DIAPH2: variants seen among roughly 807,000 people sequenced by gnomAD.
The protein encoded by DIAPH2 is diaphanous related formin 2, also known as protein diaphanous homolog 2.
A neutral mutation model predicts 92.7 loss-of-function variants in DIAPH2; 35 were observed. That is an observed-to-expected ratio of 0.38 (90% CI 0.29 to 0.50). The LOEUF is 0.50. DIAPH2 is among the 20% of genes least tolerant of loss of function. DIAPH2 has a pLI of 0.94. For missense variants in DIAPH2, 701 were observed against 819.5 expected, an observed-to-expected ratio of 0.86 and a Z score of 1.77; for synonymous variants, 301 against 280.4, an observed-to-expected ratio of 1.07 and a Z score of -0.73.
intron 24 of DIAPH2, among the ~76,000 whole-genome samples, chrX:97,370,257 C>T (rs1274571487): frequency 9.0e-6 from 1 of 111,500 alleles, no homozygotes; most frequent in African/African-American, 3.3e-5. Flanking sequence ...ACCCAAAGGA[C>T]AGATAAATTT....
chrX:96,742,939 C>T (rs932783959), intron 3 of DIAPH2, among the ~76,000 whole-genome samples: 6 of 112,460 alleles, frequency 5.3e-5, no homozygotes, highest in Admixed American at 2.8e-4. Context: ...GTTGGGATTA[C>T]AGGCATGAGC....
intron 22 of DIAPH2, among the ~76,000 whole-genome samples, chrX:97,142,827 G>A (rs994454554): frequency 1.8e-5 from 2 of 111,257 alleles, no homozygotes; most frequent in African/African-American, 6.5e-5. Flanking sequence ...AGGACTTTTG[G>A]TAAGGACTTC....
At chrX:97,559,757 A>G (rs760102632) in intron 26 of DIAPH2, among the ~76,000 whole-genome samples, 2 of 112,144 alleles carry the variant, frequency 1.8e-5, no homozygotes, top group Admixed American at 9.4e-5. Flanking sequence ...ATGAAGATTC[A>G]AAGTCAAAAG....
At chrX:96,822,816 A>G (rs2064787518) in intron 4 of DIAPH2, among the ~76,000 whole-genome samples, 1 of 112,707 alleles carries the variant, frequency 8.9e-6, no homozygotes, top group African/African-American at 3.2e-5. Context: ...TTTTATAACA[A>G]TTTTAGACAA....
At chrX:97,506,021 A>G (rs1233951942) in intron 26 of DIAPH2, among the ~76,000 whole-genome samples, 1 of 109,466 alleles carries the variant, frequency 9.1e-6, no homozygotes, top group Non-Finnish European at 1.9e-5. Context: ...TTTCCACCTC[A>G]TAGCTTTAAC....
At chrX:97,467,691 A>C (rs2070525382) in intron 26 of DIAPH2, among the ~76,000 whole-genome samples, 1 of 112,101 alleles carries the variant, frequency 8.9e-6, no homozygotes, top group African/African-American at 3.2e-5. Context: ...TAAGCAGATA[A>C]TTTGCATATA....
chrX:97,048,023 A>G (rs935111899), intron 17 of DIAPH2, among the ~76,000 whole-genome samples: 7 of 110,992 alleles, frequency 6.3e-5, no homozygotes, highest in African/African-American at 2.0e-4. Context: ...AAAACAGCAT[A>G]ATATAGTACA....
chrX:97,517,780 T>A (rs2070960704), intron 26 of DIAPH2, among the ~76,000 whole-genome samples: 1 of 112,066 alleles, frequency 8.9e-6, no homozygotes, highest in Admixed American at 9.5e-5. Context: ...CTGCTTTTTT[T>A]AAAGGAAACC....
At chrX:97,454,628 G>C (rs1333645594) in intron 26 of DIAPH2, among the ~76,000 whole-genome samples, 1 of 111,038 alleles carries the variant, frequency 9.0e-6, no homozygotes, top group Admixed American at 9.6e-5. Context: ...GGCCTAAGCA[G>C]GCGGATCACG....
At chrX:96,764,793 A>G (rs1050143305) in intron 4 of DIAPH2, among the ~76,000 whole-genome samples, 6 of 111,648 alleles carry the variant, frequency 5.4e-5, no homozygotes, top group Non-Finnish European at 1.1e-4. Flanking sequence ...GAAGCTACCT[A>G]GGAGATTTTT....
intron 22 of DIAPH2, among the ~76,000 whole-genome samples, chrX:97,173,947 G>A (rs1042158985): frequency 3.8e-5 from 4 of 106,127 alleles, no homozygotes; most frequent in African/African-American, 1.4e-4. Context: ...AAATAGAATA[G>A]TATCTAATGG....
At chrX:96,863,105 C>A (rs189704973) in intron 4 of DIAPH2, among the ~76,000 whole-genome samples, 42 of 110,348 alleles carry the variant, frequency 3.8e-4, no homozygotes, top group African/African-American at 1.4e-3. Flanking sequence ...GGGTCTTTAA[C>A]AAGTAGGAGG....
chrX:97,569,947 T>C (rs1177330518), intron 26 of DIAPH2, among the ~76,000 whole-genome samples: 2 of 103,933 alleles, frequency 1.9e-5, no homozygotes, highest in Non-Finnish European at 3.9e-5. Flanking sequence ...CTCTGGAACT[T>C]AGTGTCATCG....
chrX:96,848,825 G>C (rs2064989544), intron 4 of DIAPH2, among the ~76,000 whole-genome samples: 1 of 111,924 alleles, frequency 8.9e-6, no homozygotes, highest in Non-Finnish European at 1.9e-5. Flanking sequence ...TCTTTATTCT[G>C]CCTTTTTGAA....
Position 97,355,830 on chromosome X carries a change from C to T in DIAPH2, c.3009+7550C>T, listed in dbSNP as rs144229153. On this transcript the variant is annotated intron_variant, in intron 24 of 26. Coordinates refer to ENST00000324765, the MANE Select transcript of DIAPH2 (RefSeq NM_006729.5). The stretch of plus-strand genomic sequence containing the variant: ...GGAGTCATTTCATGGGTGCTGAAAA[C>T]GTCATCTGTAGTCACCAGTTGAAAT... 6.0e-3 allele frequency among the ~76,000 whole-genome samples: 666 copies of T among 111,459 alleles called. 3 individuals are homozygous for T. The highest frequency in any genetic ancestry group is 0.02 in the African/African-American group (623 of 30,697).
intron 19 of DIAPH2, among the ~76,000 whole-genome samples, chrX:97,088,182 A>T (rs145217624): frequency 8.9e-6 from 1 of 112,045 alleles, no homozygotes; most frequent in Non-Finnish European, 1.9e-5. Flanking sequence ...GATTTTGAAT[A>T]ATCTGTGCAT....
At chrX:96,887,117 A>G (rs955602020) in intron 5 of DIAPH2, among the ~76,000 whole-genome samples, 1 of 111,249 alleles carries the variant, frequency 9.0e-6, no homozygotes, top group Admixed American at 9.6e-5. Context: ...CGTGTGCTTT[A>G]GTGGATTCTG....
Position 97,137,261 on chromosome X carries a change from G to A in DIAPH2, c.2590-4404G>A, listed in dbSNP as rs779309792. Among the ~76,000 whole-genome samples, 224 of 48,847 alleles carry A rather than the reference G, an allele frequency of 4.6e-3. 1 individual carries two copies. The highest frequency in any genetic ancestry group is 0.02 in the African/African-American group (196 of 9,586). The allele number at this position is 48,847 out of a possible 115,157, so 42.4% of individuals were successfully genotyped here. On this transcript the variant is annotated intron_variant, in intron 21 of 26. Coordinates refer to ENST00000324765, the MANE Select transcript of DIAPH2 (RefSeq NM_006729.5). The stretch of plus-strand genomic sequence containing the variant: ...GTGTGTGGTGGGGTCATATATAAAC[G>A]CAGTTATACATATATATATATATAT...
chrX:96,694,471 C>T (rs182805990), intron 1 of DIAPH2, among the ~76,000 whole-genome samples: 171 of 109,770 alleles, frequency 1.6e-3, no homozygotes, highest in Non-Finnish European at 2.7e-3. Context: ...CTCCCGAGTA[C>T]CTGGGATTAC....
Sources: gnomAD v4.1 joint callset for allele counts (sites outside exome capture counted in the v4.1 genomes callset) on GRCh38, gnomAD v4.1.1 for gene constraint, MANE v1.5 for transcripts, NCBI Gene and HGNC (gene_info 2026-07-23, HGNC 2026-07-21) for gene names.